Variants in KCNIP4 observed in about 807,000 individuals in gnomAD.
KCNIP4 encodes Kv channel-interacting protein 4.
In KCNIP4, 12 loss-of-function variants were observed where a neutral mutation model predicts 34.0. The observed-to-expected ratio is 0.35, with a 90% CI of 0.23 to 0.57. The LOEUF (loss-of-function observed/expected upper bound fraction) is 0.57. KCNIP4 is among the 20% of genes least tolerant of loss of function. The pLI, the probability that KCNIP4 is intolerant of heterozygous loss-of-function variation, is 0.83. For synonymous variants in KCNIP4, 124 were observed against 102.2 expected (o/e 1.21, Z -1.29); for missense variants, 238 against 311.7 (o/e 0.76, Z 1.78).
intron 1 of KCNIP4, among the ~76,000 whole-genome samples, chr4:21,500,238 G>GT (rs146389479): frequency 6.6e-6 from 1 of 152,026 alleles, no homozygotes; most frequent in Admixed American, 6.6e-5. Context: ...GAAAATGCAT[G>GT]TTTTTTTGAA....
chr4:20,987,440 G>T (rs1736679092), intron 1 of KCNIP4, among the ~76,000 whole-genome samples: 1 of 151,920 alleles, frequency 6.6e-6, no homozygotes, highest in South Asian at 2.1e-4. Flanking sequence ...TACACTAAAG[G>T]CTTTTACCCA....
intron 1 of KCNIP4, among the ~76,000 whole-genome samples, chr4:21,583,840 T>C (rs1043608017): frequency 2.0e-5 from 3 of 152,062 alleles, no homozygotes; most frequent in African/African-American, 7.2e-5. Context: ...CACATAGTGA[T>C]AGTCAAAACT....
At chr4:21,244,844 T>C (rs1353303434) in intron 1 of KCNIP4, among the ~76,000 whole-genome samples, 1 of 152,214 alleles carries the variant, frequency 6.6e-6, no homozygotes, top group Non-Finnish European at 1.5e-5. Flanking sequence ...AGCTTACATC[T>C]CATTACTAAT....
chr4:21,687,218 T>C (rs1316670596), intron 1 of KCNIP4, among the ~76,000 whole-genome samples: 1 of 144,744 alleles, frequency 6.9e-6, no homozygotes, highest in African/African-American at 2.6e-5. Flanking sequence ...TACCTAATGC[T>C]AGATGACGCG....
chr4:21,570,237 G>A (rs1311392099), intron 1 of KCNIP4, among the ~76,000 whole-genome samples: 2 of 152,080 alleles, frequency 1.3e-5, no homozygotes, highest in African/African-American at 4.8e-5. Flanking sequence ...GGTGGATAGC[G>A]GTAGGACTTG....
intron 2 of KCNIP4, among the ~76,000 whole-genome samples, chr4:20,856,050 C>T (rs1378102171): frequency 6.6e-6 from 1 of 152,138 alleles, no homozygotes; most frequent in African/African-American, 2.4e-5. Context: ...CAATTTTCTC[C>T]TTCATTCATT....
At chr4:21,487,568 T>C (rs1056863754) in intron 1 of KCNIP4, among the ~76,000 whole-genome samples, 3 of 152,168 alleles carry the variant, frequency 2.0e-5, no homozygotes, top group Non-Finnish European at 4.4e-5. Context: ...ATTTAAGGAA[T>C]GGGGAGCAAT....
At chr4:20,969,689 C>T (rs183852265) in intron 1 of KCNIP4, among the ~76,000 whole-genome samples, 121 of 152,142 alleles carry the variant, frequency 8.0e-4, no homozygotes, top group Non-Finnish European at 1.4e-3. Flanking sequence ...TAATTCATTA[C>T]ATAATTTTCC....
chr4:21,263,621 AAGACAACTTGTATAACTCTAAATGTATAG>A, intron 1 of KCNIP4, among the ~76,000 whole-genome samples: 2 of 152,166 alleles, frequency 1.3e-5, no homozygotes, highest in South Asian at 4.1e-4. Flanking sequence ...CCGGTGCTCT[AAGACAACTTGTATAACTCTAAATGTATAG>A]CCAACTTTCT....
intron 1 of KCNIP4, among the ~76,000 whole-genome samples, chr4:21,865,414 A>AAAAGG: frequency 6.6e-6 from 1 of 152,264 alleles, no homozygotes; most frequent in Non-Finnish European, 1.5e-5. Context: ...GACAAGAGAG[A>AAAAGG]AAAGGAAAGG....
At chr4:21,603,765 A>G (rs371722618) in intron 1 of KCNIP4, among the ~76,000 whole-genome samples, 1 of 152,196 alleles carries the variant, frequency 6.6e-6, no homozygotes, top group Non-Finnish European at 1.5e-5. Context: ...TTTCAATCCC[A>G]GATGAAAAAT....
intron 1 of KCNIP4, among the ~76,000 whole-genome samples, chr4:21,087,146 A>ATG (rs34874556): frequency 0.17 from 18,605 of 110,092 alleles, 1,797 homozygotes; most frequent in Admixed American, 0.24. Context: ...CTGCTGGGTA[A>ATG]TGTGTGTGTG....
intron 1 of KCNIP4, among the ~76,000 whole-genome samples, chr4:21,557,192 G>T (rs1739134634): frequency 6.6e-6 from 1 of 151,990 alleles, no homozygotes; most frequent in Non-Finnish European, 1.5e-5. Context: ...GCAACACAAA[G>T]TTTAGTGCTC....
intron 1 of KCNIP4, among the ~76,000 whole-genome samples, chr4:21,894,110 T>A (rs914577194): frequency 6.6e-6 from 1 of 151,926 alleles, no homozygotes; most frequent in Non-Finnish European, 1.5e-5. Context: ...GGAAGACAGA[T>A]CGCTAGAGGT....
At chr4:20,844,327 T>A (rs1047367255) in intron 3 of KCNIP4, among the ~76,000 whole-genome samples, 2 of 152,242 alleles carry the variant, frequency 1.3e-5, no homozygotes, top group Non-Finnish European at 2.9e-5. Flanking sequence ...AATAGCATTT[T>A]AACTCTGTTC....
chr4:21,513,107 G>C (rs1407916264), intron 1 of KCNIP4, among the ~76,000 whole-genome samples: 1 of 152,182 alleles, frequency 6.6e-6, no homozygotes, highest in African/African-American at 2.4e-5. Flanking sequence ...TCCAGGCAGA[G>C]AAACACTAGT....
chr4:21,215,062 C>A (rs897685975), intron 1 of KCNIP4, among the ~76,000 whole-genome samples: 1 of 152,078 alleles, frequency 6.6e-6, no homozygotes, highest in Admixed American at 6.6e-5. Context: ...CTTATAGGTA[C>A]ATATTGACAG....
intron 1 of KCNIP4, among the ~76,000 whole-genome samples, chr4:21,924,491 G>A (rs545779749): frequency 1.3e-4 from 20 of 152,064 alleles, no homozygotes; most frequent in Admixed American, 3.3e-4. Context: ...TGATCTGTCC[G>A]TCTCGGCCTC....
Position 20,919,626 on chromosome 4 carries a change from A to C in KCNIP4, c.62-36917T>G, listed in dbSNP as rs538256310. 3.1e-3 allele frequency among the ~76,000 whole-genome samples: 469 copies of C among 150,040 alleles called. 1 individual carries two copies. The highest frequency in any genetic ancestry group is 0.014 in the Middle Eastern group (4 of 286). On this transcript the variant is annotated intron_variant, in intron 1 of 8. Coordinates refer to ENST00000382152, the MANE Select transcript of KCNIP4 (RefSeq NM_025221.6). ...GCTGAGGCAGGAGAATGGCGTGAAC[A>C]CGGGAGGCGGAGCTTGCCCTGAGCG...
Sources: gnomAD v4.1 joint callset for allele counts (sites outside exome capture counted in the v4.1 genomes callset) on GRCh38, gnomAD v4.1.1 for gene constraint, MANE v1.5 for transcripts, NCBI Gene and HGNC (gene_info 2026-07-23, HGNC 2026-07-21) for gene names.